The following AFF2 variants were observed in gnomAD, a reference collection of about 807,000 sequenced individuals.
The protein encoded by AFF2 is AF4/FMR2 family member 2.
Under a neutral mutation model 76.9 loss-of-function variants are expected in AFF2, and 14 were observed. The observed-to-expected ratio is 0.18, with a 90% CI of 0.12 to 0.28. The LOEUF (loss-of-function observed/expected upper bound fraction) is 0.28, where lower values mean the gene tolerates loss of function less well. Among genes scored for constraint, AFF2 ranks in the 10% least tolerant of loss-of-function variants. AFF2 has a pLI of 1.00. For synonymous variants in AFF2, 398 were observed against 366.7 expected (o/e 1.09, Z -0.98); for missense variants, 868 against 1,001.1 (o/e 0.87, Z 1.79).
intron 4 of AFF2, among the ~76,000 whole-genome samples, chrX:148,814,768 A>C (rs1446136180): frequency 1.8e-5 from 2 of 111,961 alleles, no homozygotes; most frequent in Admixed American, 1.9e-4. Context: ...CCAAATATTT[A>C]CAGGGCAGTG....
chrX:148,941,257 C>T (rs1293728436), intron 9 of AFF2, among the ~76,000 whole-genome samples: 1 of 111,641 alleles, frequency 9.0e-6, no homozygotes, highest in Non-Finnish European at 1.9e-5. Context: ...ATTAGCAATG[C>T]ATGTGGGCCA....
intron 4 of AFF2, among the ~76,000 whole-genome samples, chrX:148,813,690 G>A (rs2070230806): frequency 8.9e-6 from 1 of 111,892 alleles, no homozygotes; most frequent in Non-Finnish European, 1.9e-5. Flanking sequence ...CATACTATCC[G>A]TTCTTCTGGT....
chrX:148,519,205 A>G (rs2052569885), intron 1 of AFF2, among the ~76,000 whole-genome samples: 1 of 111,369 alleles, frequency 9.0e-6, no homozygotes, highest in African/African-American at 3.3e-5. Context: ...ACCCTTCTCC[A>G]TTTGGTTATT....
intron 9 of AFF2, among the ~76,000 whole-genome samples, chrX:148,922,380 T>A (rs1451392177): frequency 9.0e-6 from 1 of 111,727 alleles, no homozygotes; most frequent in Non-Finnish European, 1.9e-5. Context: ...CCTGAGTAAG[T>A]CTGGAAAAAC....
intron 4 of AFF2, among the ~76,000 whole-genome samples, chrX:148,827,402 T>C (rs1440243471): frequency 8.9e-6 from 1 of 112,035 alleles, no homozygotes; most frequent in Non-Finnish European, 1.9e-5. Context: ...CCCTTAGAAA[T>C]GGAATACTAA....
chrX:148,598,759 G>A lies in AFF2; in HGVS notation c.48-53240G>A, dbSNP rs138417877. ...CCTTTGGCTACCCTGGCTGTGTAGTGTTTGCGTTTAATGTCTTGAACGATT... is the reference window on the plus strand; with the variant it reads ...CCTTTGGCTACCCTGGCTGTGTAGTATTTGCGTTTAATGTCTTGAACGATT... On this transcript the variant is annotated intron_variant, in intron 1 of 20. Coordinates refer to ENST00000370460, the MANE Select transcript of AFF2 (RefSeq NM_002025.4). Among the ~76,000 whole-genome samples, 404 of 112,462 alleles carry A rather than the reference G, an allele frequency of 3.6e-3. 1 individual carries two copies. Among genetic ancestry groups the A allele is most frequent in the African/African-American group, 0.012 (380 of 30,980 alleles).
chrX:148,859,330 C>T (rs1452957256), intron 7 of AFF2, among the ~76,000 whole-genome samples: 4 of 109,593 alleles, frequency 3.6e-5, no homozygotes, highest in Non-Finnish European at 7.6e-5. Flanking sequence ...AGTTTACCTA[C>T]GTAACAAACC....
intron 3 of AFF2, among the ~76,000 whole-genome samples, chrX:148,749,140 T>C (rs2055463892): frequency 8.9e-6 from 1 of 112,344 alleles, no homozygotes; most frequent in South Asian, 3.7e-4. Flanking sequence ...TATTAGTTTC[T>C]CTGTTGCCCT....
chrX:148,928,684 T>C (rs1243283751), intron 9 of AFF2, among the ~76,000 whole-genome samples: 4 of 112,124 alleles, frequency 3.6e-5, no homozygotes, highest in African/African-American at 1.3e-4. Context: ...CAGGCCCTGT[T>C]TGGTATTTAA....
intron 3 of AFF2, among the ~76,000 whole-genome samples, chrX:148,664,551 G>A (rs1186360281): frequency 2.7e-5 from 3 of 111,318 alleles, no homozygotes; most frequent in Non-Finnish European, 5.7e-5. Context: ...GGCTCCTCTA[G>A]CACCTTCTAT....
chrX:148,728,984 G>A (rs1309443732), intron 3 of AFF2, among the ~76,000 whole-genome samples: 1 of 111,813 alleles, frequency 8.9e-6, no homozygotes, highest in Non-Finnish European at 1.9e-5. Flanking sequence ...GGTATACTTG[G>A]GTTTGTGTGT....
In AFF2 at chrX:148,962,780, C is replaced by T. The variant is rs1320504190; in HGVS notation, c.2756C>T (p.Pro919Leu). The T allele has an allele frequency of 1.1e-5, 13 of 1,209,164 alleles. No individual in the cohort carries two copies. The highest frequency in any genetic ancestry group is 1.2e-5 in the Non-Finnish European group (11 of 894,682). Residue 919 changes from proline to leucine, a missense_variant, in exon 13 of 21, where the codon CCA becomes CTA. Transcript: ENST00000370460. Reference protein sequence around the residue: ...EEKLFPPPLSPLPEDPPRRRN... With the variant: ...EEKLFPPPLSLLPEDPPRRRN... ...AAACTATTTCCTCCTCCACTTTCCCCACTGCCAGAGGACCCTCCACGCCGC... is the reference window on the plus strand; with the variant it reads ...AAACTATTTCCTCCTCCACTTTCCCTACTGCCAGAGGACCCTCCACGCCGC...
At chrX:148,760,672 T>C (rs1456722192) in intron 3 of AFF2, among the ~76,000 whole-genome samples, 1 of 112,116 alleles carries the variant, frequency 8.9e-6, no homozygotes, top group Non-Finnish European at 1.9e-5. Flanking sequence ...ATTGGAAATT[T>C]CCGTTGTGTA....
chrX:148,713,293 G>A (rs1557263068), intron 3 of AFF2, among the ~76,000 whole-genome samples: 2 of 111,477 alleles, frequency 1.8e-5, no homozygotes, highest in Non-Finnish European at 3.8e-5. Context: ...TAAGTGAGAT[G>A]AGAGCCGTTG....
chrX:148,629,174 ATCTC>A (rs1384546766), intron 1 of AFF2, among the ~76,000 whole-genome samples: 1 of 109,497 alleles, frequency 9.1e-6, no homozygotes. Flanking sequence ...GAAGATGATA[ATCTC>A]TCTATGTCTC....
intron 1 of AFF2, among the ~76,000 whole-genome samples, chrX:148,520,801 AT>A (rs1202685661): frequency 1.6e-4 from 18 of 112,632 alleles, no homozygotes; most frequent in African/African-American, 3.9e-4. Flanking sequence ...TCTAAAAAAA[AT>A]ATTAAGGAAT....
intron 1 of AFF2, among the ~76,000 whole-genome samples, chrX:148,637,542 A>G (rs1557254024): frequency 8.9e-6 from 1 of 112,281 alleles, no homozygotes. Context: ...ATAGAAATAT[A>G]ATGTGGGCCA....
At chrX:148,803,774 T>C (rs1557271113) in intron 3 of AFF2, among the ~76,000 whole-genome samples, 1 of 111,126 alleles carries the variant, frequency 9.0e-6, no homozygotes, top group Admixed American at 9.6e-5. Flanking sequence ...CCGTTGCCCA[T>C]ACCTAATGTA....
intron 3 of AFF2, among the ~76,000 whole-genome samples, chrX:148,685,151 A>G (rs781894952): frequency 4.5e-5 from 5 of 111,515 alleles, no homozygotes; most frequent in African/African-American, 6.5e-5. Flanking sequence ...ATGTGAGCCA[A>G]TTTACTCTGA....
Sources: gnomAD v4.1 joint callset for allele counts (sites outside exome capture counted in the v4.1 genomes callset) on GRCh38, gnomAD v4.1.1 for gene constraint, MANE v1.5 for transcripts, NCBI Gene and HGNC (gene_info 2026-07-23, HGNC 2026-07-21) for gene names.